ZFC3H1: variants seen among roughly 807,000 people sequenced by gnomAD.
ZFC3H1 encodes the protein zinc finger C3H1 domain-containing protein.
Under a neutral mutation model 243.7 loss-of-function variants are expected in ZFC3H1, and 71 were observed. That is an observed-to-expected ratio of 0.29 (90% CI 0.24 to 0.36). The LOEUF (loss-of-function observed/expected upper bound fraction) is 0.36, where lower values mean the gene tolerates loss of function less well. Ranked by LOEUF, ZFC3H1 falls within the 10% of genes least tolerant of loss-of-function variation. ZFC3H1 has a pLI of 1.00. For synonymous variants in ZFC3H1, 838 were observed against 813.0 expected (o/e 1.03, Z -0.52); for missense variants, 1,966 against 2,317.1 (o/e 0.85, Z 3.11).
chr12:71,643,914 T>C (rs1880662569), intron 5 of ZFC3H1, among the ~76,000 whole-genome samples, 181 bp downstream of exon 5: 1 of 152,256 alleles, frequency 6.6e-6, no homozygotes, highest in Admixed American at 6.5e-5. Flanking sequence ...ATAATAATTT[T>C]AGCCTTCATT....
intron 23 of ZFC3H1, 58 bp downstream of exon 23, chr12:71,624,046 T>C: frequency 6.7e-7 from 1 of 1,503,750 alleles, no homozygotes; most frequent in Non-Finnish European, 9.0e-7. Context: ...TGGATAACGG[T>C]GTAGACCTTT....
Position 71,633,090 on chromosome 12 carries a change from C to T in ZFC3H1, c.2686-73G>A, listed in dbSNP as rs1036675708. 4.3e-5 allele frequency: 64 copies of T among 1,493,408 alleles called. No individual in the cohort carries two copies. The African/African-American group carries it at 7.3e-4, about 17-fold the overall frequency. 92.5% of individuals were successfully genotyped at this position (1,493,408 alleles called of 1,614,324 possible). On this transcript the variant is annotated intron_variant, in intron 13 of 34. Coordinates refer to ENST00000378743, the MANE Select transcript of ZFC3H1 (RefSeq NM_144982.5). ...CAGGAAATTTCTTCTTCTCAAACAC[C>T]GTGGCTTTTGAGCATTCAACTGAAA...
At chr12:71,651,396 AAC>A (rs1455030548) in intron 2 of ZFC3H1, among the ~76,000 whole-genome samples, 2 of 152,158 alleles carry the variant, frequency 1.3e-5, no homozygotes, top group African/African-American at 4.8e-5. Flanking sequence ...TCTCTTTCAT[AAC>A]AGTTAATTTA....
chr12:71,628,356 C>T (rs1336270881), intron 20 of ZFC3H1, among the ~76,000 whole-genome samples: 2 of 152,118 alleles, frequency 1.3e-5, no homozygotes, highest in South Asian at 2.1e-4. Context: ...AACAGTGTTA[C>T]GTTAGTGTAA....
chr12:71,624,441 T>C, intron 22 of ZFC3H1, 149 bp from the exon 23 acceptor site: 2 of 818,684 alleles, frequency 2.4e-6, no homozygotes, highest in Non-Finnish European at 3.7e-6. Context: ...CTCCATCTTC[T>C]AGTACTACAA....
chr12:71,632,654 C>G (rs560107546), intron 14 of ZFC3H1, 140 bp from the exon 15 acceptor site: 5 of 1,263,608 alleles, frequency 4.0e-6, no homozygotes, highest in Non-Finnish European at 4.2e-6. Flanking sequence ...CAGAGTTTAA[C>G]ATAAGTAGCC....
At chr12:71,621,902 C>T (rs1238695051) in intron 24 of ZFC3H1, among the ~76,000 whole-genome samples, 2 of 151,942 alleles carry the variant, frequency 1.3e-5, no homozygotes, top group Non-Finnish European at 2.9e-5. Flanking sequence ...CAGTTACTGC[C>T]ATCAGCTTCT....
At position 71,630,864 on chromosome 12, in the gene ZFC3H1, ACG is replaced by A; in HGVS notation, c.3559_3560del (p.Arg1187PhefsTer2). On this transcript the variant is annotated frameshift_variant, in exon 17 of 35. Coordinates refer to ENST00000378743, the MANE Select transcript of ZFC3H1 (RefSeq NM_144982.5). LOFTEE classifies it high-confidence loss of function. Reference protein sequence around the residue: ...NMIEPDQCFCRFDLTGTCNDD... With the variant: ...NMIEPDQCFCXFDLTGTCNDD... ...CATTACATGTTCCTGTTAAATCAAA[ACG>A]GCAGAAACACTGATCCGGTTCAATC... 6.2e-7 allele frequency: 1 copy of A among 1,613,358 alleles called. No individual in the cohort carries two copies. The highest frequency in any genetic ancestry group is 8.5e-7 in the Non-Finnish European group (1 of 1,179,574).
In ZFC3H1 at chr12:71,657,385, T is replaced by C. The variant is rs1311119971; in HGVS notation, c.599-84A>G. The C allele has an allele frequency of 7.0e-6, 7 of 999,824 alleles. No homozygotes were observed. In the East Asian group the frequency reaches 1.9e-4, roughly 27 times the overall value. The allele number at this position is 999,824 out of a possible 1,614,324, so 61.9% of individuals were successfully genotyped here. ...AAAAACTTAGATTATAGATGAATTT[T>C]CTCCCTTTTTAATTTTTCAAGAAAA... On this transcript the variant is annotated intron_variant, in intron 1 of 34. Coordinates refer to ENST00000378743, the MANE Select transcript of ZFC3H1 (RefSeq NM_144982.5).
intron 34 of ZFC3H1, 62 bp from the exon 35 acceptor site, chr12:71,610,627 A>G (rs1409849161): frequency 1.2e-6 from 2 of 1,612,186 alleles, no homozygotes; most frequent in Non-Finnish European, 1.7e-6. Context: ...TACCACATCA[A>G]TGGATATGGC....
chr12:71,644,468 T>C, intron 4 of ZFC3H1, 150 bp from the exon 5 acceptor site: 1 of 814,166 alleles, frequency 1.2e-6, no homozygotes, highest in Non-Finnish European at 1.9e-6. Context: ...GCCCTGTAAT[T>C]CCCCAAACTC....
At chr12:71,632,745 G>T in intron 14 of ZFC3H1, 141 bp downstream of exon 14, 2 of 1,323,424 alleles carry the variant, frequency 1.5e-6, no homozygotes, top group East Asian at 2.5e-5. Flanking sequence ...CAAAAATGTG[G>T]ATGTCATTTA....
rs531925582 is a variant in ZFC3H1, at chr12:71,636,663, G to C, written c.1936-9C>G. The stretch of plus-strand genomic sequence containing the variant: ...CTATTACTGGATGTTTCCTACATAA[G>C]GAAGAGAAAGACATTAAACATTCCT... On this transcript the variant is annotated splice_polypyrimidine_tract_variant and intron_variant, in intron 8 of 34. Transcript: ENST00000378743. The C allele has an allele frequency of 1.9e-6, 3 of 1,597,296 alleles. No individual in the cohort carries two copies. Among genetic ancestry groups the C allele is most frequent in the African/African-American group, 2.7e-5 (2 of 73,944 alleles).
In ZFC3H1 at chr12:71,663,078, C is replaced by A. The variant is rs369105383; in HGVS notation, c.533G>T (p.Gly178Val). 32 of 1,613,806 alleles carry A rather than the reference C, an allele frequency of 2.0e-5. No homozygotes were observed. In the Admixed American group the frequency reaches 2.0e-4, roughly 10 times the overall value. Residue 178 changes from glycine (G) to valine (V), a missense_variant, in exon 1 of 35, where the codon GGA (glycine) becomes GTA (valine). Around this residue, in one of 4 missense-constraint regions of ZFC3H1, gnomAD observed 484 missense variants for 449.7 expected, o/e 1.08. Transcript: ENST00000378743. Reference sequence around the variant, plus strand: ...GCTGCTGAACCCGGATCCTGCTCCTCCTCCCAGAGGAGGTCTGCACCCCGG... The same window carrying A: ...GCTGCTGAACCCGGATCCTGCTCCTACTCCCAGAGGAGGTCTGCACCCCGG... ...GKPGCRPPLG[G>V]GAGSGFSSSQ...
chr12:71,618,696 AGG>A (rs1452193338), intron 27 of ZFC3H1, among the ~76,000 whole-genome samples: 1 of 44,508 alleles, frequency 2.2e-5, no homozygotes, highest in Non-Finnish European at 1.2e-4. Flanking sequence ...TAAAGAGATG[AGG>A]AGGACAAAGG....
intron 3 of ZFC3H1, among the ~76,000 whole-genome samples, chr12:71,646,327 G>A (rs1880729422): frequency 1.3e-5 from 2 of 152,034 alleles, no homozygotes; most frequent in Admixed American, 1.3e-4. Context: ...ACCTAGTACT[G>A]AAATTCTAGA....
Position 71,663,724 on chromosome 12 carries a change from CG to C in ZFC3H1, c.-115del. On this transcript the variant is annotated 5_prime_UTR_variant, in exon 1 of 35. Transcript: ENST00000378743. ...TGGGTCGGTGCGGTCTTACCCTACTCGGACACCAAGCGGCCTCTGCTCCCCA... is the reference window on the plus strand; with the variant it reads ...TGGGTCGGTGCGGTCTTACCCTACTCGACACCAAGCGGCCTCTGCTCCCCA... 7.7e-7 allele frequency: 1 copy of C among 1,294,676 alleles called. No individual in the cohort carries two copies. 80.2% of individuals were successfully genotyped at this position (1,294,676 alleles called of 1,614,324 possible).
intron 2 of ZFC3H1, among the ~76,000 whole-genome samples, chr12:71,649,050 C>G (rs1263324069): frequency 2.7e-5 from 4 of 147,770 alleles, no homozygotes; most frequent in African/African-American, 1.0e-4. Flanking sequence ...GAGATTGTAC[C>G]ACTGTACTCC....
intron 27 of ZFC3H1, among the ~76,000 whole-genome samples, chr12:71,617,622 T>C (rs1189529675): frequency 6.6e-6 from 1 of 152,188 alleles, no homozygotes; most frequent in East Asian, 1.9e-4. Flanking sequence ...AACCAGCAAG[T>C]CTCTAAAGAG....
Sources: allele counts gnomAD v4.1 joint callset (sites outside exome capture counted in the v4.1 genomes callset), GRCh38; gene constraint gnomAD v4.1.1; regional missense constraint gnomAD v4.1.1; transcripts MANE v1.5; gene names NCBI Gene and HGNC (gene_info 2026-07-23, HGNC 2026-07-21).